The following MAEA variants were observed in gnomAD, a reference collection of about 807,000 sequenced individuals.
The protein encoded by MAEA is E3 ubiquitin-protein transferase MAEA.
MAEA carries 22 observed loss-of-function variants against 46.2 expected under a neutral mutation model. The observed-to-expected ratio is 0.48, with a 90% confidence interval of 0.34 to 0.68. The LOEUF (loss-of-function observed/expected upper bound fraction) is 0.68, where lower values mean the gene tolerates loss of function less well. Ranked by LOEUF, MAEA falls within the 30% of genes least tolerant of loss-of-function variation. The pLI, the probability that MAEA is intolerant of heterozygous loss-of-function variation, is 0.01. For missense variants in MAEA, 393 were observed against 558.1 expected, an observed-to-expected ratio of 0.70 and a Z score of 2.98; for synonymous variants, 246 against 222.6, an observed-to-expected ratio of 1.11 and a Z score of -0.94.
At chr4:1,290,722 C>T (rs1011937491) in intron 1 of MAEA, among the ~76,000 whole-genome samples, 2 of 152,198 alleles carry the variant, frequency 1.3e-5, no homozygotes, top group Non-Finnish European at 2.9e-5. Context: ...TGGAGAGCTG[C>T]GTAGTTTCTC....
intron 1 of MAEA, among the ~76,000 whole-genome samples, chr4:1,293,974 AGT>A (rs1210731400): frequency 6.6e-6 from 1 of 152,200 alleles, no homozygotes; most frequent in Non-Finnish European, 1.5e-5. Flanking sequence ...TGTGTTCTCG[AGT>A]GTGAGAAACA....
chr4:1,333,404 G>T (rs1390185538), intron 6 of MAEA, among the ~76,000 whole-genome samples: 1 of 151,992 alleles, frequency 6.6e-6, no homozygotes, highest in East Asian at 1.9e-4. Flanking sequence ...GTTCAGCCGG[G>T]GCCCAGCTTC....
intron 3 of MAEA, among the ~76,000 whole-genome samples, 183 bp from the exon 4 acceptor site, chr4:1,322,198 C>T (rs1219827595): frequency 1.3e-5 from 2 of 152,196 alleles, no homozygotes; most frequent in Admixed American, 1.3e-4. Context: ...GGGGGCTGTT[C>T]TGTTCCTAGG....
At chr4:1,298,168 C>G in intron 1 of MAEA, 1 of 438,428 alleles carries the variant, frequency 2.3e-6, no homozygotes, top group Non-Finnish European at 4.6e-6. Context: ...CCTGCCCCGT[C>G]CTTGTGCTCT....
chr4:1,327,482 C>T, intron 4 of MAEA, 145 bp from the exon 5 acceptor site: 1 of 707,930 alleles, frequency 1.4e-6, no homozygotes, highest in Non-Finnish European at 2.5e-6. Context: ...CAGCTTCAGC[C>T]TCAGCCCTGC....
chr4:1,327,687 A>C lies in MAEA; in HGVS notation c.640A>C (p.Arg214=). ...EFIELIRQNK[R]LDAVRHARKH... ...CATTGAACTCATCCGGCAGAATAAG[A>C]GACTGGACGCTGTGAGGTAGGCATT... The change falls in exon 5 of 9, where the codon AGA becomes CGA. Residue 214 remains arginine, a synonymous_variant. Coordinates refer to ENST00000303400, the MANE Select transcript of MAEA (RefSeq NM_001017405.3). The C allele has an allele frequency of 1.9e-6, 3 of 1,613,802 alleles. No homozygotes were observed. Among genetic ancestry groups the C allele is most frequent in the Non-Finnish European group, 2.5e-6 (3 of 1,179,962 alleles).
chr4:1,322,422 G>A lies in MAEA; in HGVS notation c.498G>A (p.Val166=), dbSNP rs2108958878. ...AGATGTTCCTGACGGCCAAAGAGGT[G>A]GAGGAGTCCCTGGAGAGGCGTGAGA... The part of the protein sequence containing the change: ...NIEMFLTAKE[V]EESLERRETA... The change falls in exon 4 of 9, where the codon GTG becomes GTA. Residue 166 remains valine, a synonymous_variant. Transcript: ENST00000303400. 6.2e-7 allele frequency: 1 copy of A among 1,614,122 alleles called. No individual in the cohort carries two copies. The highest frequency in any genetic ancestry group is 8.5e-7 in the Non-Finnish European group (1 of 1,180,018).
intron 4 of MAEA, among the ~76,000 whole-genome samples, chr4:1,325,324 G>A (rs1738663706): frequency 3.3e-5 from 5 of 152,356 alleles, no homozygotes; most frequent in South Asian, 2.1e-4. Context: ...AAAGCCACAC[G>A]GAGCCATCAG....
At chr4:1,320,047 A>C (rs923527757) in intron 3 of MAEA, among the ~76,000 whole-genome samples, 2 of 151,930 alleles carry the variant, frequency 1.3e-5, no homozygotes, top group Admixed American at 6.5e-5. Context: ...AAATCATCAA[A>C]GCAAACATGC....
At chr4:1,292,886 C>CTTTTTTTTTTTTTTTTTTTTTTTTT (rs34802084) in intron 1 of MAEA, among the ~76,000 whole-genome samples, 1 of 128,360 alleles carries the variant, frequency 7.8e-6, no homozygotes, top group Non-Finnish European at 1.6e-5. Flanking sequence ...AACTCACCAT[C>CTTTTTTTTTTTTTTTTTTTTTTTTT]TTTTTTTTTT....
chr4:1,294,243 T>C (rs1344301), intron 1 of MAEA, among the ~76,000 whole-genome samples: 23,434 of 152,228 alleles, frequency 0.15, 3,474 homozygotes, highest in East Asian at 0.42. Context: ...TCCCACCGTT[T>C]GCTGGTGGTT....
At chr4:1,335,133 G>C (rs1712578985) in intron 6 of MAEA, 19 of 985,284 alleles carry the variant, frequency 1.9e-5, no homozygotes, top group Non-Finnish European at 2.3e-5. Flanking sequence ...CTAAACCTGA[G>C]GTTATTTAGG....
In MAEA at chr4:1,311,930, G is replaced by T. The variant is rs747640633; in HGVS notation, c.70-49G>T. 1.3e-6 allele frequency: 2 copies of T among 1,528,532 alleles called. No homozygotes were observed. Among genetic ancestry groups the T allele is most frequent in the East Asian group, 4.5e-5 (2 of 44,104 alleles). 94.7% of individuals were successfully genotyped at this position (1,528,532 alleles called of 1,614,324 possible). On this transcript the variant is annotated intron_variant, in intron 1 of 8. Transcript: ENST00000303400. This position sits in a 1 kb window ranked among gnomAD's most constrained non-coding sequence, Gnocchi z 4.4. ...GTGTGTCCTGGGTGTGGGGCTGGTG[G>T]GGCTCACACCAGGGGAGCAGATCCC...
Position 1,336,875 on chromosome 4 carries a change from T to G in MAEA, c.780T>G (p.Pro260=), listed in dbSNP as rs751729094. 6 of 1,613,884 alleles carry G rather than the reference T, an allele frequency of 3.7e-6. No homozygotes were observed. The Middle Eastern group carries it at 5.0e-4, about 133-fold the overall frequency. ...HISPYKDLLD[P]ARWRMLIQQF... ...CTGTCTTCCAGGACCTTCTGGACCC[T>G]GCACGGTGGCGGATGCTGATCCAGC... is the stretch of plus-strand genomic sequence containing the variant. Residue 260 remains proline, a synonymous_variant, in exon 7 of 9, where the codon CCT becomes CCG. Coordinates refer to ENST00000303400, the MANE Select transcript of MAEA (RefSeq NM_001017405.3).
intron 1 of MAEA, among the ~76,000 whole-genome samples, chr4:1,310,800 T>C (rs949458439): frequency 1.3e-5 from 2 of 152,120 alleles, no homozygotes; most frequent in Admixed American, 1.3e-4. Context: ...GGGCCGGCCT[T>C]GCCACCCGCC....
intron 7 of MAEA, 173 bp from the exon 8 acceptor site, chr4:1,338,249 T>G: frequency 1.9e-6 from 1 of 536,174 alleles, no homozygotes; most frequent in Non-Finnish European, 3.3e-6. Flanking sequence ...TCAGTGGGGC[T>G]GTTTAGCTGT....
At chr4:1,309,574 G>T in intron 1 of MAEA, 1 of 1,488,374 alleles carries the variant, frequency 6.7e-7, no homozygotes, top group Non-Finnish European at 8.9e-7. Flanking sequence ...GCCAGCGCTG[G>T]AGGAGGAGCA....
intron 6 of MAEA, chr4:1,334,721 C>T: frequency 3.9e-6 from 1 of 254,522 alleles, no homozygotes; most frequent in East Asian, 1.8e-4. Flanking sequence ...AAAATGGGCC[C>T]CGTTGCCATG....
intron 1 of MAEA, among the ~76,000 whole-genome samples, chr4:1,304,109 G>C (rs73072001): frequency 0.15 from 23,383 of 152,012 alleles, 3,464 homozygotes; most frequent in East Asian, 0.42. Context: ...CCTGTCAGTC[G>C]TGTGGCTCCA....
Sources: allele counts gnomAD v4.1 joint callset (sites outside exome capture counted in the v4.1 genomes callset), GRCh38; gene constraint gnomAD v4.1.1; non-coding constraint Gnocchi (gnomAD v3.1); transcripts MANE v1.5; gene names NCBI Gene and HGNC (gene_info 2026-07-23, HGNC 2026-07-21).